The following ZBTB45 variants were observed in gnomAD, a reference collection of about 807,000 sequenced individuals.
The protein encoded by ZBTB45 is zinc finger and BTB domain containing 45.
In ZBTB45, 22 loss-of-function variants were observed where a neutral mutation model predicts 28.4. The ratio of observed to expected loss-of-function variants is 0.77; its 90% CI spans 0.55 to 1.10. The LOEUF (loss-of-function observed/expected upper bound fraction) is 1.10, where lower values mean the gene tolerates loss of function less well. Among genes scored for constraint, ZBTB45 ranks in the 50% least tolerant of loss-of-function variants. The pLI is 0.00. For synonymous variants in ZBTB45, 361 were observed against 332.3 expected (o/e 1.09, Z -0.94); for missense variants, 656 against 750.2 (o/e 0.87, Z 1.47).
rs2053505656 is a variant in ZBTB45 at position 58,516,808 on chromosome 19, G to T, written c.866C>A (p.Ser289Tyr). ...AGCGCCATCCTCGTCGTGCCAAGTG[G>T]ATACATAGCTGTCTGGAAATACGTC... Reference protein sequence around the residue: ...AEDVFPDSYVSTWHDEDGAVP... With the variant: ...AEDVFPDSYVYTWHDEDGAVP... The change falls in exon 2 of 3, where the codon TCC becomes TAC. Residue 289 changes from serine to tyrosine, a missense_variant. Around this residue, in one of 3 missense-constraint regions of ZBTB45, gnomAD observed 448 missense variants for 444.3 expected, o/e 1.01. Coordinates refer to ENST00000594051, the MANE Select transcript of ZBTB45 (RefSeq NM_001316979.2). The surrounding 1 kb of genome is among the most constrained non-coding windows in gnomAD (Gnocchi z 6.2). The T allele has an allele frequency of 6.2e-7, 1 of 1,613,736 alleles. No homozygotes were observed.
At chr19:58,521,197 T>C (rs1376263216), upstream of ZBTB45, among the ~76,000 whole-genome samples, 2 of 142,710 alleles carry the variant, frequency 1.4e-5, no homozygotes, top group African/African-American at 5.2e-5. Flanking sequence ...ACCCCGTCTC[T>C]ACTAAAAATA....
rs35430780 is a variant in ZBTB45, at chr19:58,516,795, G to A, written c.879C>T (p.Asp293=). ...AGCCTTCGGGGACAGCGCCATCCTC[G>A]TCGTGCCAAGTGGATACATAGCTGT... ...FPDSYVSTWH[D]EDGAVPEGCP... The change falls in exon 2 of 3, where the codon GAC becomes GAT. Residue 293 remains aspartate, a synonymous_variant. Coordinates refer to ENST00000594051, the MANE Select transcript of ZBTB45 (RefSeq NM_001316979.2). The surrounding 1 kb of genome is among the most constrained non-coding windows in gnomAD (Gnocchi z 6.2). 35 of 1,613,720 alleles carry A rather than the reference G, an allele frequency of 2.2e-5. No homozygotes were observed. Among genetic ancestry groups the A allele is most frequent in the African/African-American group, 5.3e-5 (4 of 74,902 alleles).
chr19:58,524,405 ATGTGTG>A (rs541272488), upstream of ZBTB45, among the ~76,000 whole-genome samples: 94 of 35,296 alleles, frequency 2.7e-3, no homozygotes, highest in African/African-American at 4.0e-3. Context: ...GTGTATATAT[ATGTGTG>A]TGTGTGTGTG....
Position 58,513,878 on chromosome 19 carries a change from G to T in ZBTB45, c.*176C>A. 1 of 764,290 alleles carries T rather than the reference G, an allele frequency of 1.3e-6. No homozygotes were observed. Among genetic ancestry groups the T allele is most frequent in the Non-Finnish European group, 1.9e-6 (1 of 537,064 alleles). The allele number at this position is 764,290 out of a possible 1,614,324, so 47.3% of individuals were successfully genotyped here. A position where few individuals can be genotyped will look rare whatever the true frequency, so the allele number is the denominator to read the frequency against. On this transcript the variant is annotated 3_prime_UTR_variant, in exon 3 of 3. Transcript: ENST00000594051. ...CACCTGGAGGGTTCAAGTACATGGA[G>T]GAGAGGAGTAAGGCGGACTTAGGCC...
chr19:58,517,880 C>T lies in ZBTB45; in HGVS notation c.1-207G>A, dbSNP rs938841861. 2.6e-5 allele frequency among the ~76,000 whole-genome samples: 4 copies of T among 151,576 alleles called. No homozygotes were observed. The South Asian group carries it at 8.3e-4, about 32-fold the overall frequency. On this transcript the variant is annotated intron_variant, in intron 1 of 2. Transcript: ENST00000594051. ...CACTCCCTCCTCCCCCTACCTCAGA[C>T]CTGGCCAGGCCGTCTACAGCCCCCC...
chr19:58,516,930 A>C lies in ZBTB45; in HGVS notation c.744T>G (p.Ala248=), dbSNP rs746406649. The change falls in exon 2 of 3, where the codon GCT becomes GCG. Residue 248 remains alanine (A), a synonymous_variant. Coordinates refer to ENST00000594051, the MANE Select transcript of ZBTB45 (RefSeq NM_001316979.2). This position sits in a 1 kb window ranked among gnomAD's most constrained non-coding sequence, Gnocchi z 6.2. ...GGGGCTCCTCGCACGCGCTGTCAGC[A>C]GCAGCAGTGAGGAAGCCAGCAGCAC... The part of the protein sequence containing the change: ...PDCAAGFLTA[A]ADSACEEPPA... The C allele has an allele frequency of 6.2e-7, 1 of 1,613,320 alleles. No homozygotes were observed. Among genetic ancestry groups the C allele is most frequent in the South Asian group, 1.1e-5 (1 of 91,088 alleles).
At chr19:58,525,872 G>C (rs992043008) in intron 1 of ZBTB45, among the ~76,000 whole-genome samples, 1 of 152,206 alleles carries the variant, frequency 6.6e-6, no homozygotes, top group Admixed American at 6.5e-5. Flanking sequence ...TGCCACAGGC[G>C]CTTTGCCAGA....
chr19:58,517,080 T>G lies in ZBTB45; in HGVS notation c.594A>C (p.Ser198=). 6.2e-7 allele frequency: 1 copy of G among 1,613,120 alleles called. No individual in the cohort carries two copies. Residue 198 remains serine (S), a synonymous_variant, in exon 2 of 3, where the codon TCA becomes TCC. Coordinates refer to ENST00000594051, the MANE Select transcript of ZBTB45 (RefSeq NM_001316979.2). The stretch of plus-strand genomic sequence containing the variant: ...CTCGGTCATCAGGGGCCGCGGACAG[T>G]GAGGGGTCAGCATCAGGCCCCTCAG... ...AKAEGPDADP[S]LSAAPDDRGD... is the part of the protein sequence containing the mutation.
At chr19:58,526,692 C>T (rs1354518324) in intron 1 of ZBTB45, among the ~76,000 whole-genome samples, 5 of 147,788 alleles carry the variant, frequency 3.4e-5, no homozygotes, top group Non-Finnish European at 4.5e-5. Context: ...CCACTACGCC[C>T]GGCTAATTTT....
At position 58,516,924 on chromosome 19, in the gene ZBTB45, G is replaced by A. The variant is rs543865302; in HGVS notation, c.750C>T (p.Asp250=). 9.9e-6 allele frequency: 16 copies of A among 1,613,328 alleles called. No individual in the cohort carries two copies. The highest frequency in any genetic ancestry group is 1.7e-4 in the Middle Eastern group (1 of 6,060). The stretch of plus-strand genomic sequence containing the variant: ...GTGCAGGGGGCTCCTCGCACGCGCT[G>A]TCAGCAGCAGCAGTGAGGAAGCCAG... ...CAAGFLTAAA[D]SACEEPPAPT... Residue 250 remains aspartate, a synonymous_variant, in exon 2 of 3, where the codon GAC becomes GAT. Transcript: ENST00000594051. The surrounding 1 kb of genome is among the most constrained non-coding windows in gnomAD (Gnocchi z 6.2).
intron 2 of ZBTB45, 30 bp from the exon 3 acceptor site, chr19:58,514,340 A>C (rs2053459932): frequency 6.3e-7 from 1 of 1,576,278 alleles, no homozygotes; most frequent in Non-Finnish European, 8.6e-7. Flanking sequence ...CCGCGAACGC[A>C]AGTCAGACTC....
chr19:58,519,442 C>T (rs1480128657), intron 1 of ZBTB45: 1 of 152,746 alleles, frequency 6.5e-6, no homozygotes, highest in East Asian at 1.9e-4. Flanking sequence ...AGACCCGGCG[C>T]CCAGGCCAGC....
chr19:58,533,273 C>T (rs1216882769), intron 1 of ZBTB45, among the ~76,000 whole-genome samples: 2 of 152,168 alleles, frequency 1.3e-5, no homozygotes, highest in Non-Finnish European at 2.9e-5. Context: ...CATTATGGGG[C>T]CCCACTATCA....
At chr19:58,525,758 T>C (rs1425995344) in intron 1 of ZBTB45, among the ~76,000 whole-genome samples, 2 of 152,156 alleles carry the variant, frequency 1.3e-5, no homozygotes, top group African/African-American at 4.8e-5. Context: ...TGTGCTTTCA[T>C]ATGTAAAATA....
At position 58,517,625 on chromosome 19, in the gene ZBTB45, G is replaced by T. The variant is rs766262308; in HGVS notation, c.49C>A (p.Arg17Ser). 1 of 1,613,814 alleles carries T rather than the reference G, an allele frequency of 6.2e-7. No homozygotes were observed. The highest frequency in any genetic ancestry group is 1.3e-5 in the African/African-American group (1 of 74,886). The change falls in exon 2 of 3, where the codon CGC (arginine) becomes AGC (serine). Residue 17 changes from arginine (R) to serine (S), a missense_variant. Physicochemically the swap from Arg to Ser is moderately radical, Grantham distance 110 (BLOSUM62 -1). Coordinates refer to ENST00000594051, the MANE Select transcript of ZBTB45 (RefSeq NM_001316979.2). ...VHHIHLQNFSRSLLETLNGQR... is the reference protein window; with the variant it reads ...VHHIHLQNFSSSLLETLNGQR... ...CCATTGAGGGTCTCAAGCAGAGAGCGTGAGAAGTTCTGCAGGTGTATGTGA... is the reference window on the plus strand; with the variant it reads ...CCATTGAGGGTCTCAAGCAGAGAGCTTGAGAAGTTCTGCAGGTGTATGTGA...
At chr19:58,533,784 A>C (rs191159861) in intron 1 of ZBTB45, among the ~76,000 whole-genome samples, 87 of 152,310 alleles carry the variant, frequency 5.7e-4, no homozygotes, top group African/African-American at 1.9e-3. Flanking sequence ...CAGTTAAAGA[A>C]ACACCCAGCC....
At chr19:58,519,374 C>T (rs990262180) in intron 1 of ZBTB45, 2 of 152,366 alleles carry the variant, frequency 1.3e-5, no homozygotes, top group Non-Finnish European at 2.9e-5. Flanking sequence ...GGGCTCCATT[C>T]CTCAGTCCCG....
At chr19:58,523,374 G>C (rs995292996), upstream of ZBTB45, among the ~76,000 whole-genome samples, 1 of 150,736 alleles carries the variant, frequency 6.6e-6, no homozygotes, top group Admixed American at 6.6e-5. Context: ...GGTGAAACCC[G>C]GTCTCTACTA....
chr19:58,524,018 G>A (rs2122582146), upstream of ZBTB45, among the ~76,000 whole-genome samples: 1 of 138,454 alleles, frequency 7.2e-6, no homozygotes, highest in South Asian at 2.4e-4. Flanking sequence ...AGGTTGCAGT[G>A]AGCCAAGATC....
Sources: gnomAD v4.1 joint callset for allele counts (sites outside exome capture counted in the v4.1 genomes callset) on GRCh38, gnomAD v4.1.1 for gene constraint, gnomAD v4.1.1 regional missense constraint, Gnocchi (gnomAD v3.1) non-coding constraint, MANE v1.5 for transcripts, NCBI Gene and HGNC (gene_info 2026-07-23, HGNC 2026-07-21) for gene names.